Variants in ZNF75D observed in about 807,000 individuals in gnomAD.
ZNF75D encodes zinc finger protein 75D.
Under a neutral mutation model 33.3 loss-of-function variants are expected in ZNF75D, and 33 were observed. That is an observed-to-expected ratio of 0.99 (90% CI 0.75 to 1.32). ZNF75D has a LOEUF of 1.32. Ranked by LOEUF, ZNF75D falls within the 40% of genes most tolerant of loss-of-function variation. The pLI, the probability that ZNF75D is intolerant of heterozygous loss-of-function variation, is 0.00. For synonymous variants in ZNF75D, 113 were observed against 130.6 expected (o/e 0.87, Z 0.92); for missense variants, 338 against 367.5 (o/e 0.92, Z 0.66).
At chrX:135,329,770 A>C (rs186980208) in intron 1 of ZNF75D, among the ~76,000 whole-genome samples, 1 of 112,655 alleles carries the variant, frequency 8.9e-6, no homozygotes, top group East Asian at 2.8e-4. Context: ...TAGGAATAAT[A>C]TATCCAGTTC....
At chrX:135,298,471 CTACTCTGAACAG>C (rs2084166039) in intron 1 of ZNF75D, 1 of 110,998 alleles carries the variant, frequency 9.0e-6, no homozygotes, top group Non-Finnish European at 1.9e-5. Flanking sequence ...CAAGTAGAAT[CTACTCTGAACAG>C]TTTCAGAGTA....
rs141757613 is a variant in ZNF75D at position 135,286,235 on chromosome X, G to C, written c.*902C>G. 36 of 111,891 alleles carry C rather than the reference G, an allele frequency of 3.2e-4. No homozygotes were observed. Among genetic ancestry groups the C allele is most frequent in the African/African-American group, 1.2e-3 (36 of 30,789 alleles). The allele number at this position is 111,891 out of a possible 1,213,427, so 9.2% of individuals were successfully genotyped here. A position where few individuals can be genotyped will look rare whatever the true frequency, so the allele number is the denominator to read the frequency against. On this transcript the variant is annotated 3_prime_UTR_variant, in exon 7 of 7. Transcript: ENST00000370766. ...CTTGCAGAGTATTCAGGCATATAGGGTTGTAGTTGATCAGCCATAAAGATG... is the reference window on the plus strand; with the variant it reads ...CTTGCAGAGTATTCAGGCATATAGGCTTGTAGTTGATCAGCCATAAAGATG...
chrX:135,316,011 T>TC (rs1212109503), intron 1 of ZNF75D, among the ~76,000 whole-genome samples: 3 of 112,293 alleles, frequency 2.7e-5, no homozygotes, highest in Non-Finnish European at 3.8e-5. Flanking sequence ...TTCCTTTTTT[T>TC]CCCTTATCGT....
At chrX:135,307,175 T>C (rs897031867) in intron 1 of ZNF75D, among the ~76,000 whole-genome samples, 6 of 111,822 alleles carry the variant, frequency 5.4e-5, no homozygotes, top group Non-Finnish European at 9.4e-5. Flanking sequence ...ACCAATAAGT[T>C]CTCTTCCCAC....
chrX:135,310,728 A>C (rs2084349110), intron 1 of ZNF75D, among the ~76,000 whole-genome samples: 1 of 109,968 alleles, frequency 9.1e-6, no homozygotes, highest in Non-Finnish European at 1.9e-5. Context: ...TATTCTCTCT[A>C]CCCTTAGCCA....
Position 135,294,050 on chromosome X carries a change from T to C in ZNF75D, c.91A>G (p.Ser31Gly). 8.3e-7 allele frequency: 1 copy of C among 1,211,041 alleles called. No homozygotes were observed. The highest frequency in any genetic ancestry group is 1.1e-6 in the Non-Finnish European group (1 of 894,628). Reference sequence around the variant, plus strand: ...TTTGTGCTGTATTTCTTACTCTGACTGGAGTTCTCTTTCACAGACCCACTA... The same window carrying C: ...TTTGTGCTGTATTTCTTACTCTGACCGGAGTTCTCTTTCACAGACCCACTA... ...ETSGSVKENS[S>G]QSKKYSTKIE... is the part of the protein sequence containing the mutation. Residue 31 changes from serine to glycine, a missense_variant, in exon 3 of 7, where the codon AGT becomes GGT. This residue lies in a region of ZNF75D where 254 missense variants were observed against 267.7 expected (regional missense o/e 0.95). Coordinates refer to ENST00000370766, the MANE Select transcript of ZNF75D (RefSeq NM_007131.5).
intron 1 of ZNF75D, among the ~76,000 whole-genome samples, chrX:135,311,302 C>T (rs1188984048): frequency 8.9e-6 from 1 of 112,067 alleles, no homozygotes; most frequent in East Asian, 2.8e-4. Context: ...GTGAAGAAGG[C>T]TGAGACTCTG....
intron 1 of ZNF75D, among the ~76,000 whole-genome samples, chrX:135,271,021 C>T (rs1556416916): frequency 8.9e-6 from 1 of 111,903 alleles, no homozygotes; most frequent in African/African-American, 3.2e-5. Context: ...TGCAGAATGG[C>T]TCCATAGGTT....
intron 1 of ZNF75D, among the ~76,000 whole-genome samples, chrX:135,261,182 T>C (rs1281863542): frequency 1.2e-4 from 14 of 112,560 alleles, no homozygotes; most frequent in African/African-American, 4.5e-4. Context: ...TGATTTCTGT[T>C]CTTTTACATT....
In ZNF75D at chrX:135,294,026, T is replaced by G. The variant is rs1384935579; in HGVS notation, c.115A>C (p.Lys39Gln). 9.1e-6 allele frequency: 11 copies of G among 1,211,792 alleles called. No homozygotes were observed. The highest frequency in any genetic ancestry group is 1.2e-5 in the Non-Finnish European group (11 of 895,422). The stretch of plus-strand genomic sequence containing the variant: ...CTCTCAGGACCAAGATTCTCTATTT[T>G]TGTGCTGTATTTCTTACTCTGACTG... ...NSSQSKKYST[K>Q]IENLGPESAC... Residue 39 changes from lysine (K) to glutamine (Q), a missense_variant, in exon 3 of 7, where the codon AAA (lysine) becomes CAA (glutamine). Coordinates refer to ENST00000370766, the MANE Select transcript of ZNF75D (RefSeq NM_007131.5).
chrX:135,317,195 T>C (rs1483022790), intron 1 of ZNF75D, among the ~76,000 whole-genome samples: 1 of 111,923 alleles, frequency 8.9e-6, no homozygotes, highest in East Asian at 2.8e-4. Context: ...TCTGGGTGCA[T>C]GAAGTAGTGT....
chrX:135,284,553 T>C (rs953392780), downstream of ZNF75D, among the ~76,000 whole-genome samples: 10 of 111,446 alleles, frequency 9.0e-5, no homozygotes, highest in Non-Finnish European at 1.9e-5. Flanking sequence ...CTGGGGCCCT[T>C]GTATTCAAAT....
intron 1 of ZNF75D, among the ~76,000 whole-genome samples, chrX:135,324,412 G>C (rs1556436460): frequency 8.9e-6 from 1 of 112,405 alleles, no homozygotes; most frequent in African/African-American, 3.2e-5. Context: ...TATTATGTGT[G>C]GATACCTGTT....
In ZNF75D at chrX:135,285,794, T is replaced by C. The variant is rs1449096946; in HGVS notation, c.*1343A>G. 1.8e-5 allele frequency: 2 copies of C among 112,384 alleles called. No individual in the cohort carries two copies. The highest frequency in any genetic ancestry group is 3.8e-5 in the Non-Finnish European group (2 of 53,294). The allele number at this position is 112,384 out of a possible 1,213,427, so 9.3% of individuals were successfully genotyped here. A position where few individuals can be genotyped will look rare whatever the true frequency, so the allele number is the denominator to read the frequency against. On this transcript the variant is annotated 3_prime_UTR_variant, in exon 7 of 7. Coordinates refer to ENST00000370766, the MANE Select transcript of ZNF75D (RefSeq NM_007131.5). The stretch of plus-strand genomic sequence containing the variant: ...GCAAACATTGGCCATTTCTGAGTGA[T>C]TTGGTAACAAAGTTTTGTTTATTGT...
intron 1 of ZNF75D, among the ~76,000 whole-genome samples, chrX:135,312,372 A>G (rs1284509668): frequency 9.0e-6 from 1 of 111,256 alleles, no homozygotes; most frequent in Non-Finnish European, 1.9e-5. Context: ...TATATACACT[A>G]CATTTTCTTT....
chrX:135,279,334 AT>A (rs1556418137), intron 1 of ZNF75D, among the ~76,000 whole-genome samples: 2 of 111,575 alleles, frequency 1.8e-5, no homozygotes, highest in Non-Finnish European at 3.8e-5. Flanking sequence ...CAGTGGTGAT[AT>A]CCCCTTTATC....
At chrX:135,266,828 C>A (rs1048743682) in intron 1 of ZNF75D, among the ~76,000 whole-genome samples, 6 of 111,925 alleles carry the variant, frequency 5.4e-5, no homozygotes, top group Admixed American at 4.7e-4. Flanking sequence ...AGAATACAAT[C>A]TTTTCCTCGA....
At chrX:135,321,027 G>C (rs1259386964) in intron 1 of ZNF75D, among the ~76,000 whole-genome samples, 1 of 111,805 alleles carries the variant, frequency 8.9e-6, no homozygotes, top group Admixed American at 9.5e-5. Context: ...TTTTCTCACA[G>C]TTCTGGAGGC....
chrX:135,329,492 G>A lies in ZNF75D; in HGVS notation c.-391+12276C>T, dbSNP rs782761613. On this transcript the variant is annotated intron_variant, in intron 1 of 6. Transcript: ENST00000370766. The stretch of plus-strand genomic sequence containing the variant: ...GGGGTTTCACCATTTTTTCCAGGGT[G>A]TTCTCAAACGCCTGAGCCCAGGCTA... Among the ~76,000 whole-genome samples, 5 of 111,896 alleles carry A rather than the reference G, an allele frequency of 4.5e-5. No homozygotes were observed. The East Asian group carries it at 1.4e-3, about 31-fold the overall frequency.
Sources: allele counts gnomAD v4.1 joint callset (sites outside exome capture counted in the v4.1 genomes callset), GRCh38; gene constraint gnomAD v4.1.1; regional missense constraint gnomAD v4.1.1; transcripts MANE v1.5; gene names NCBI Gene and HGNC (gene_info 2026-07-23, HGNC 2026-07-21).